SMYD3: variants seen among roughly 807,000 people sequenced by gnomAD.
SMYD3 encodes the protein SET and MYND domain containing 3.
SMYD3 carries 36 observed loss-of-function variants against 57.7 expected under a neutral mutation model. The observed-to-expected ratio is 0.62, with a 90% CI of 0.48 to 0.82. The LOEUF is 0.82. SMYD3 is among the 40% of genes least tolerant of loss of function. SMYD3 has a pLI of 0.00. For synonymous variants in SMYD3, 211 were observed against 195.0 expected (o/e 1.08, Z -0.68); for missense variants, 515 against 538.8 (o/e 0.96, Z 0.44).
chr1:246,451,392 C>CTA (rs2067630505), intron 1 of SMYD3, among the ~76,000 whole-genome samples: 1 of 152,152 alleles, frequency 6.6e-6, no homozygotes, highest in Non-Finnish European at 1.5e-5. Flanking sequence ...TGTGAAAAGG[C>CTA]TACACACTAT....
rs112855483 is a variant in SMYD3 at position 245,881,365 on chromosome 1, G to A, written c.814-17479C>T. Among the ~76,000 whole-genome samples the A allele has an allele frequency of 1.7e-3, 258 of 152,314 alleles. 4 individuals are homozygous for A. The highest frequency in any genetic ancestry group is 5.8e-3 in the African/African-American group (242 of 41,564). ...GTAGGTCTTGGTATGGGGAAGTAAG[G>A]TAGGCCATACTCAGTATTACAAAGT... On this transcript the variant is annotated intron_variant, in intron 8 of 11. Coordinates refer to ENST00000490107, the MANE Select transcript of SMYD3 (RefSeq NM_001167740.2).
intron 8 of SMYD3, among the ~76,000 whole-genome samples, chr1:245,905,779 C>T (rs889825101): frequency 6.6e-6 from 1 of 152,130 alleles, no homozygotes; most frequent in Non-Finnish European, 1.5e-5. Flanking sequence ...ACTGTGCTGG[C>T]TTCAGGTCTA....
chr1:246,235,565 T>C (rs1419463137), intron 5 of SMYD3, among the ~76,000 whole-genome samples: 1 of 141,358 alleles, frequency 7.1e-6, no homozygotes, highest in African/African-American at 2.5e-5. Context: ...CAAAAAGACA[T>C]GTATGGTGAG....
At chr1:245,880,119 C>T (rs2052701986) in intron 8 of SMYD3, among the ~76,000 whole-genome samples, 1 of 152,188 alleles carries the variant, frequency 6.6e-6, no homozygotes, top group African/African-American at 2.4e-5. Flanking sequence ...GCTGTACACA[C>T]TAGAGATAGC....
At chr1:246,370,774 C>T (rs1039147806) in intron 1 of SMYD3, among the ~76,000 whole-genome samples, 2 of 152,204 alleles carry the variant, frequency 1.3e-5, no homozygotes, top group South Asian at 2.1e-4. Context: ...TCACAAATGT[C>T]GTCATCTCCA....
intron 1 of SMYD3, among the ~76,000 whole-genome samples, chr1:246,358,925 C>G (rs1355379810): frequency 6.6e-6 from 1 of 151,922 alleles, no homozygotes; most frequent in Admixed American, 6.6e-5. Flanking sequence ...CAAGAACAAT[C>G]CAAACCCAAA....
At chr1:246,350,218 A>G (rs1454047849) in intron 2 of SMYD3, among the ~76,000 whole-genome samples, 2 of 152,182 alleles carry the variant, frequency 1.3e-5, no homozygotes, top group Admixed American at 6.5e-5. Flanking sequence ...ATCACATTCA[A>G]TCATATAATC....
intron 5 of SMYD3, among the ~76,000 whole-genome samples, chr1:246,150,522 T>C (rs2061924667): frequency 6.6e-6 from 1 of 152,240 alleles, no homozygotes; most frequent in African/African-American, 2.4e-5. Context: ...TTACATCTGT[T>C]GGTTAAAATG....
At chr1:246,312,854 A>G (rs2065101928) in intron 5 of SMYD3, among the ~76,000 whole-genome samples, 2 of 152,166 alleles carry the variant, frequency 1.3e-5, no homozygotes, top group African/African-American at 4.8e-5. Flanking sequence ...AAGGTTAAAC[A>G]CTATCACACC....
chr1:245,784,291 T>A (rs2046950122), intron 10 of SMYD3, among the ~76,000 whole-genome samples: 1 of 152,198 alleles, frequency 6.6e-6, no homozygotes, highest in Admixed American at 6.5e-5. Context: ...TCTAAGCATC[T>A]ATGTATGGCA....
At chr1:246,277,055 G>A (rs2148561328) in intron 5 of SMYD3, among the ~76,000 whole-genome samples, 1 of 152,286 alleles carries the variant, frequency 6.6e-6, no homozygotes, top group South Asian at 2.1e-4. Context: ...GTACATATAA[G>A]CCAGTATGTG....
At chr1:246,467,026 C>T (rs2067892205) in intron 1 of SMYD3, among the ~76,000 whole-genome samples, 1 of 151,508 alleles carries the variant, frequency 6.6e-6, no homozygotes, top group African/African-American at 2.4e-5. Flanking sequence ...AAAAATTAGC[C>T]GGGAATGGGG....
intron 8 of SMYD3, among the ~76,000 whole-genome samples, chr1:245,884,158 A>G (rs956985844): frequency 1.3e-5 from 2 of 152,184 alleles, no homozygotes; most frequent in Non-Finnish European, 2.9e-5. Context: ...CCAAAAGGTC[A>G]GTACATCGAA....
chr1:246,502,437 T>C (rs1200342971), intron 1 of SMYD3, among the ~76,000 whole-genome samples: 1 of 152,200 alleles, frequency 6.6e-6, no homozygotes, highest in East Asian at 1.9e-4. Context: ...CAGCCTGCTT[T>C]ATCTTCTATA....
At chr1:246,323,305 A>T (rs2065281629) in intron 5 of SMYD3, among the ~76,000 whole-genome samples, 1 of 152,176 alleles carries the variant, frequency 6.6e-6, no homozygotes, top group Admixed American at 6.5e-5. Flanking sequence ...TCAGACTAAC[A>T]CTGGTGCTAA....
chr1:246,117,024 C>CA (rs1179737591), intron 5 of SMYD3, among the ~76,000 whole-genome samples: 1 of 152,156 alleles, frequency 6.6e-6, no homozygotes, highest in Non-Finnish European at 1.5e-5. Context: ...GAATGAACTG[C>CA]AAAAACCCAC....
At chr1:246,097,870 C>T (rs927439516) in intron 5 of SMYD3, among the ~76,000 whole-genome samples, 9 of 152,032 alleles carry the variant, frequency 5.9e-5, no homozygotes, top group Non-Finnish European at 1.3e-4. Flanking sequence ...TATTTCCTTC[C>T]CAAGTATATT....
At chr1:245,791,990 G>A (rs181675299) in intron 10 of SMYD3, among the ~76,000 whole-genome samples, 40 of 150,600 alleles carry the variant, frequency 2.7e-4, no homozygotes, top group African/African-American at 9.0e-4. Flanking sequence ...GTGTGTAAGC[G>A]GTATACGTAT....
At chr1:246,418,883 A>G (rs2067101427) in intron 1 of SMYD3, among the ~76,000 whole-genome samples, 1 of 152,122 alleles carries the variant, frequency 6.6e-6, no homozygotes, top group African/African-American at 2.4e-5. Context: ...GCACGTATAC[A>G]TCCAGATGGC....
Sources: allele counts gnomAD v4.1 joint callset (sites outside exome capture counted in the v4.1 genomes callset), GRCh38; gene constraint gnomAD v4.1.1; transcripts MANE v1.5; gene names NCBI Gene and HGNC (gene_info 2026-07-23, HGNC 2026-07-21).